The following SSH1 variants were observed in gnomAD, a reference collection of about 807,000 sequenced individuals.
SSH1 encodes the protein protein phosphatase Slingshot homolog 1.
A neutral mutation model predicts 79.7 loss-of-function variants in SSH1; 43 were observed. The observed-to-expected ratio is 0.54, with a 90% CI of 0.42 to 0.70. The LOEUF is 0.70. Ranked by LOEUF, SSH1 falls within the 30% of genes least tolerant of loss-of-function variation. The pLI, the probability that SSH1 is intolerant of heterozygous loss-of-function variation, is 0.00. For synonymous variants in SSH1, 599 were observed against 538.3 expected (o/e 1.11, Z -1.56); for missense variants, 1,206 against 1,358.8 (o/e 0.89, Z 1.77).
In SSH1 at chr12:108,857,455, G is replaced by A; in HGVS notation, c.42C>T (p.Ala14=). The A allele has an allele frequency of 2.7e-6, 3 of 1,118,354 alleles. No individual in the cohort carries two copies. In the South Asian group the frequency reaches 5.8e-5, roughly 22 times the overall value. 69.3% of individuals were successfully genotyped at this position (1,118,354 alleles called of 1,614,324 possible). The change falls in exon 1 of 15, where the codon GCC becomes GCT. Residue 14 remains alanine, a synonymous_variant. Coordinates refer to ENST00000326495, the MANE Select transcript of SSH1 (RefSeq NM_018984.4). This position sits in a 1 kb window ranked among gnomAD's most constrained non-coding sequence, Gnocchi z 4.7. The stretch of plus-strand genomic sequence containing the variant: ...CGCTGTTGCTGGCCGAGGAGGAGGC[G>A]GCGCTGGGCGTGGGCGAGCGCTGCA... The part of the protein sequence containing the change: ...VTLQRSPTPS[A]ASSSASNSEL...
chr12:108,800,600 C>A (rs760698427), intron 12 of SSH1, among the ~76,000 whole-genome samples, 180 bp downstream of exon 12: 1 of 150,048 alleles, frequency 6.7e-6, no homozygotes, highest in Admixed American at 6.6e-5. Flanking sequence ...AGTCCTGCGA[C>A]TAAAAGCAAA....
Position 108,848,634 on chromosome 12 carries a change from C to T in SSH1, c.110+4004G>A, listed in dbSNP as rs75068870. Among the ~76,000 whole-genome samples the T allele has an allele frequency of 2.5e-3, 382 of 152,298 alleles. 3 individuals carry two copies. Among genetic ancestry groups the T allele is most frequent in the African/African-American group, 8.7e-3 (360 of 41,562 alleles). ...AATGAGTTTCAGTCAAAGCTTAAAC[C>T]AGGACACAACTTTTCTTGTGTAGCG... is the stretch of plus-strand genomic sequence containing the variant. On this transcript the variant is annotated intron_variant, in intron 2 of 14. Transcript: ENST00000326495.
chr12:108,840,899 CCT>C (rs1247722945), intron 2 of SSH1, among the ~76,000 whole-genome samples: 1 of 152,160 alleles, frequency 6.6e-6, no homozygotes, highest in Non-Finnish European at 1.5e-5. Flanking sequence ...AGACCATAGC[CCT>C]GACCCAGCTA....
chr12:108,804,915 A>G, intron 10 of SSH1, 141 bp downstream of exon 10: 3 of 966,112 alleles, frequency 3.1e-6, no homozygotes, highest in Admixed American at 4.2e-5. Context: ...CAAAGAGGGG[A>G]GCTCCTGCCA....
chr12:108,814,686 G>C (rs1243738570), intron 5 of SSH1, among the ~76,000 whole-genome samples: 1 of 152,222 alleles, frequency 6.6e-6, no homozygotes, highest in Non-Finnish European at 1.5e-5. Flanking sequence ...CCCTGGCCTT[G>C]GGGTCGGTGC....
intron 2 of SSH1, among the ~76,000 whole-genome samples, chr12:108,826,636 C>A (rs1231206584): frequency 1.3e-5 from 2 of 152,192 alleles, no homozygotes; most frequent in East Asian, 3.9e-4. Context: ...CCTGGCTTCT[C>A]TTCTGAGCTC....
In SSH1 at chr12:108,796,495, G is replaced by A. The variant is rs2036758032; in HGVS notation, c.1349+2505C>T. Among the ~76,000 whole-genome samples, 3 of 152,212 alleles carry A rather than the reference G, an allele frequency of 2.0e-5. No individual in the cohort carries two copies. The South Asian group carries it at 6.2e-4, about 32-fold the overall frequency. ...ATTTCACTTAGCGCAATGTCATGAA[G>A]GTTCATGACTGTCGTAGCCTGTGTC... On this transcript the variant is annotated intron_variant, in intron 13 of 14. Transcript: ENST00000326495.
Position 108,857,349 on chromosome 12 carries a change from C to T in SSH1, c.69+79G>A. ...AGCCCGCGCAGCCGCCCCCCTGCCCCGCACGCGCGGCCCCAGCTCCGGCGG... is the reference window on the plus strand; with the variant it reads ...AGCCCGCGCAGCCGCCCCCCTGCCCTGCACGCGCGGCCCCAGCTCCGGCGG... On this transcript the variant is annotated intron_variant, in intron 1 of 14. Coordinates refer to ENST00000326495, the MANE Select transcript of SSH1 (RefSeq NM_018984.4). The surrounding 1 kb of genome is among the most constrained non-coding windows in gnomAD (Gnocchi z 4.7). The T allele has an allele frequency of 2.3e-6, 2 of 872,630 alleles. No individual in the cohort carries two copies. The highest frequency in any genetic ancestry group is 2.7e-6 in the Non-Finnish European group (2 of 727,712). The allele number at this position is 872,630 out of a possible 1,614,324, so 54.1% of individuals were successfully genotyped here. A position where few individuals can be genotyped will look rare whatever the true frequency, so the allele number is the denominator to read the frequency against.
intron 2 of SSH1, among the ~76,000 whole-genome samples, chr12:108,832,955 G>A (rs1035064041): frequency 6.6e-6 from 1 of 152,148 alleles, no homozygotes; most frequent in African/African-American, 2.4e-5. Context: ...AGGAATGCTG[G>A]CAGGGCTCAT....
At chr12:108,829,131 T>C (rs114262102) in intron 2 of SSH1, among the ~76,000 whole-genome samples, 3,104 of 152,136 alleles carry the variant, frequency 0.02, 120 homozygotes, top group African/African-American at 0.071. Context: ...AGTTCGAGAC[T>C]AGCATGGTCA....
rs754530419 is a variant in SSH1, at chr12:108,792,724, A to G, written c.1455T>C (p.Asp485=). 1.4e-5 allele frequency: 22 copies of G among 1,613,776 alleles called. No individual in the cohort carries two copies. The highest frequency in any genetic ancestry group is 1.9e-5 in the Non-Finnish European group (22 of 1,180,032). The change falls in exon 14 of 15, where the codon GAT becomes GAC. Residue 485 remains aspartate (D), a synonymous_variant. Transcript: ENST00000326495. ...GPGDFLPETP[D]GTPESQLPFL... is the part of the protein sequence containing the mutation. Reference sequence around the variant, plus strand: ...AGGGCAGCTGGCTTTCCGGGGTGCCATCTGGGGTCTCTGGCAAGAAGTCGC... The same window carrying G: ...AGGGCAGCTGGCTTTCCGGGGTGCCGTCTGGGGTCTCTGGCAAGAAGTCGC...
Position 108,807,892 on chromosome 12 carries a change from G to T in SSH1, c.537-65C>A. The stretch of plus-strand genomic sequence containing the variant: ...CAAGAGATGCAGGGTTTTCTCCTCT[G>T]ACAAAGGGGTTCAAATACGGGAAGG... On this transcript the variant is annotated intron_variant, in intron 7 of 14. Coordinates refer to ENST00000326495, the MANE Select transcript of SSH1 (RefSeq NM_018984.4). This position sits in a 1 kb window ranked among gnomAD's most constrained non-coding sequence, Gnocchi z 5.2. 1 of 1,459,032 alleles carries T rather than the reference G, an allele frequency of 6.9e-7. No individual in the cohort carries two copies. Among genetic ancestry groups the T allele is most frequent in the Non-Finnish European group, 9.6e-7 (1 of 1,045,002 alleles). The allele number at this position is 1,459,032 out of a possible 1,614,324, so 90.4% of individuals were successfully genotyped here. A position where few individuals can be genotyped will look rare whatever the true frequency, so the allele number is the denominator to read the frequency against.
In SSH1 at chr12:108,835,196, C is replaced by T. The variant is rs559684908; in HGVS notation, c.111-11835G>A. Among the ~76,000 whole-genome samples the T allele has an allele frequency of 8.5e-5, 13 of 152,282 alleles. No homozygotes were observed. In the South Asian group the frequency reaches 1.7e-3, roughly 19 times the overall value. On this transcript the variant is annotated intron_variant, in intron 2 of 14. Coordinates refer to ENST00000326495, the MANE Select transcript of SSH1 (RefSeq NM_018984.4). ...ATAAATGTAACACCAATAACATCTTCGTTGAGCGCTATGCTAAGCACATCA... is the reference window on the plus strand; with the variant it reads ...ATAAATGTAACACCAATAACATCTTTGTTGAGCGCTATGCTAAGCACATCA...
At chr12:108,832,347 C>T (rs896869777) in intron 2 of SSH1, among the ~76,000 whole-genome samples, 4 of 125,724 alleles carry the variant, frequency 3.2e-5, no homozygotes, top group Non-Finnish European at 4.9e-5. Flanking sequence ...GAAAATGAAA[C>T]CACCAAGACT....
intron 5 of SSH1, among the ~76,000 whole-genome samples, chr12:108,815,686 T>G (rs1268314316): frequency 6.6e-6 from 1 of 152,182 alleles, no homozygotes; most frequent in East Asian, 1.9e-4. Flanking sequence ...CAAGTGGCTC[T>G]TCAGAGCTCA....
In SSH1 at chr12:108,807,469, G is replaced by T; in HGVS notation, c.731+164C>A. On this transcript the variant is annotated intron_variant, in intron 8 of 14. Coordinates refer to ENST00000326495, the MANE Select transcript of SSH1 (RefSeq NM_018984.4). The surrounding 1 kb of genome is among the most constrained non-coding windows in gnomAD (Gnocchi z 5.2). ...GCATGGGACAGGGGCCTGTGTCACA[G>T]ACCCCTGCTTTAAACGCTGGTTCTG... 1.7e-6 allele frequency: 1 copy of T among 599,648 alleles called. No homozygotes were observed. The highest frequency in any genetic ancestry group is 3.0e-6 in the Non-Finnish European group (1 of 338,354). 37.1% of individuals were successfully genotyped at this position (599,648 alleles called of 1,614,324 possible).
chr12:108,831,650 G>A (rs933475800), intron 2 of SSH1, among the ~76,000 whole-genome samples: 4 of 152,112 alleles, frequency 2.6e-5, no homozygotes, highest in African/African-American at 9.7e-5. Flanking sequence ...TGAAGCCTGC[G>A]AGGCCCTGAA....
In SSH1 at chr12:108,800,804, G is replaced by A. The variant is rs755430218; in HGVS notation, c.1124C>T (p.Ala375Val). ...TTDLLAHWNEAYHFINKAKRN... is the reference protein window; with the variant it reads ...TTDLLAHWNEVYHFINKAKRN... ...CTTCGCTTTGTTTATAAAATGATAC[G>A]CTTCATTCCAGTGGGCGAGGAGGTC... Residue 375 changes from alanine (A) to valine (V), a missense_variant, in exon 12 of 15, where the codon GCG becomes GTG. By Grantham distance (64) the Ala-to-Val change is moderately conservative. Coordinates refer to ENST00000326495, the MANE Select transcript of SSH1 (RefSeq NM_018984.4). The A allele has an allele frequency of 5.0e-6, 8 of 1,614,122 alleles. No individual in the cohort carries two copies. Among genetic ancestry groups the A allele is most frequent in the East Asian group, 2.2e-5 (1 of 44,892 alleles).
intron 2 of SSH1, among the ~76,000 whole-genome samples, chr12:108,832,553 A>T (rs1266781028): frequency 6.6e-6 from 1 of 152,188 alleles, no homozygotes; most frequent in Non-Finnish European, 1.5e-5. Context: ...TGGATTCAGA[A>T]CCCCAGGCCT....
Sources: allele counts gnomAD v4.1 joint callset (sites outside exome capture counted in the v4.1 genomes callset), GRCh38; gene constraint gnomAD v4.1.1; non-coding constraint Gnocchi (gnomAD v3.1); transcripts MANE v1.5; gene names NCBI Gene and HGNC (gene_info 2026-07-23, HGNC 2026-07-21).